The following MYH7 variants were observed in gnomAD, a reference collection of about 807,000 sequenced individuals.
The protein encoded by MYH7 is myosin heavy chain 7, also known as myosin-7.
MYH7 carries 129 observed loss-of-function variants against 225.4 expected under a neutral mutation model. The observed-to-expected ratio is 0.57, with a 90% CI of 0.50 to 0.66. MYH7 has a LOEUF of 0.66. MYH7 is among the 30% of genes least tolerant of loss of function. MYH7 has a pLI of 0.00. For missense variants in MYH7, 1,649 were observed against 2,517.0 expected (o/e 0.66, Z 7.38); for synonymous variants, 971 against 1,007.6 (o/e 0.96, Z 0.69).
chr14:23,422,199 G>A lies in MYH7; in HGVS notation c.3226C>T (p.Leu1076=), dbSNP rs1595079922. The A allele has an allele frequency of 6.2e-7, 1 of 1,613,328 alleles. No homozygotes were observed. Among genetic ancestry groups the A allele is most frequent in the South Asian group, 1.1e-5 (1 of 91,036 alleles). Residue 1076 remains leucine (L), a synonymous_variant, in exon 25 of 40, where the codon CTG becomes TTG. Transcript: ENST00000355349. ...CAGTACTTTTTCAGCCGCTCATCCAGCTGCTGCTTGTCATTCTCCAGGTCC... is the reference window on the plus strand; with the variant it reads ...CAGTACTTTTTCAGCCGCTCATCCAACTGCTGCTTGTCATTCTCCAGGTCC... ...IMDLENDKQQ[L]DERLKKKDFE...
intron 27 of MYH7, 50 bp downstream of exon 27, chr14:23,419,795 G>A (rs1892393827): frequency 6.2e-7 from 1 of 1,614,044 alleles, no homozygotes; most frequent in Non-Finnish European, 8.5e-7. Flanking sequence ...TGGACAGAAA[G>A]GGGAGGTGGG....
Position 23,430,652 on chromosome 14 carries a change from T to C in MYH7, c.907A>G (p.Ile303Val). 6.2e-7 allele frequency: 1 copy of C among 1,613,844 alleles called. No homozygotes were observed. Among genetic ancestry groups the C allele is most frequent in the Non-Finnish European group, 8.5e-7 (1 of 1,179,828 alleles). ...GCATAATCGTAGGGGTTGTTGGTGA[T>C]CAGCAGCATGTCTAGGGGAAAAAAC... ...KKPELLDMLL[I>V]TNNPYDYAFI... The change falls in exon 11 of 40, where the codon ATC becomes GTC. Residue 303 changes from isoleucine (I) to valine (V), a missense_variant. Physicochemically the swap from Ile to Val is conservative, Grantham distance 29. This residue lies in a region of MYH7 where 131 missense variants were observed against 231.3 expected (regional missense o/e 0.57). Coordinates refer to ENST00000355349, the MANE Select transcript of MYH7 (RefSeq NM_000257.4).
intron 14 of MYH7, 124 bp from the exon 15 acceptor site, chr14:23,428,794 A>G (rs1473968093): frequency 6.3e-7 from 1 of 1,577,808 alleles, no homozygotes; most frequent in Admixed American, 1.8e-5. Flanking sequence ...CAAGGCAGTG[A>G]AGGAGGGCTT....
chr14:23,432,511 G>T lies in MYH7; in HGVS notation c.503-5C>A. 1 of 1,614,140 alleles carries T rather than the reference G, an allele frequency of 6.2e-7. No homozygotes were observed. Among genetic ancestry groups the T allele is most frequent in the Non-Finnish European group, 8.5e-7 (1 of 1,180,020 alleles). On this transcript the variant is annotated splice_polypyrimidine_tract_variant and splice_region_variant and intron_variant, in intron 5 of 39. Coordinates refer to ENST00000355349, the MANE Select transcript of MYH7 (RefSeq NM_000257.4). Reference sequence around the variant, plus strand: ...GGATGGACTGGTTTTCTCTGTCTGTGGGGAGAGGGTGGGGAGGAAAGGTCA... The same window carrying T: ...GGATGGACTGGTTTTCTCTGTCTGTTGGGAGAGGGTGGGGAGGAAAGGTCA...
rs756142583 is a variant in MYH7, at chr14:23,416,008, A to G, written c.4949T>C (p.Leu1650Ser). ...CAGTCCCCTCTGGGTGAGTACCTTC[A>G]ACAAGCTCTGGAGGCTCTTGACTTG... ...QKQVKSLQSL[L>S]KDTQIQLDDA... Residue 1650 changes from leucine (L) to serine (S), a missense_variant, in exon 34 of 40, where the codon TTG becomes TCG. Around this residue, in one of 12 missense-constraint regions of MYH7, gnomAD observed 687 missense variants for 913.8 expected, o/e 0.75. Transcript: ENST00000355349. 4 of 1,614,012 alleles carry G rather than the reference A, an allele frequency of 2.5e-6. No individual in the cohort carries two copies. In the East Asian group the frequency reaches 8.9e-5, roughly 36 times the overall value.
intron 24 of MYH7, 98 bp from the exon 25 acceptor site, chr14:23,422,423 A>G: frequency 6.4e-7 from 1 of 1,564,594 alleles, no homozygotes. Flanking sequence ...CTTTGTGTTC[A>G]GGACTTGGGA....
At chr14:23,424,233 CA>C in intron 22 of MYH7, 84 bp from the exon 23 acceptor site, 1 of 1,563,124 alleles carries the variant, frequency 6.4e-7, no homozygotes. Flanking sequence ...GCACATCACT[CA>C]AATAGGAGGG....
In MYH7 at chr14:23,420,225, C is replaced by G. The variant is rs727504274; in HGVS notation, c.3346G>C (p.Glu1116Gln). Residue 1116 changes from glutamate (E) to glutamine (Q), a missense_variant, in exon 27 of 40, where the codon GAG becomes CAG. Physicochemically the swap from Glu to Gln is conservative, Grantham distance 29. Around this residue, in one of 12 missense-constraint regions of MYH7, gnomAD observed 106 missense variants for 198.8 expected, o/e 0.53. Transcript: ENST00000355349. ...KKLKELQARIEELEEELEAER... is the reference protein window; with the variant it reads ...KKLKELQARIQELEEELEAER... ...GCCTCCAGCTCCTCCTCCAGCTCCT[C>G]GATGCGTGCCTGGTCAGACACAAAG... 2 of 1,609,218 alleles carry G rather than the reference C, an allele frequency of 1.2e-6. No individual in the cohort carries two copies. Among genetic ancestry groups the G allele is most frequent in the African/African-American group, 1.3e-5 (1 of 74,880 alleles).
At chr14:23,426,934 A>T in intron 17 of MYH7, 70 bp from the exon 18 acceptor site, 1 of 1,378,314 alleles carries the variant, frequency 7.3e-7, no homozygotes, top group Admixed American at 1.8e-5. Flanking sequence ...AAGAGAGGAG[A>T]AGAAGGAAGG....
In MYH7 at chr14:23,424,838, G is replaced by A; in HGVS notation, c.2610C>T (p.Arg870=). The A allele has an allele frequency of 6.2e-7, 1 of 1,614,222 alleles. No homozygotes were observed. The highest frequency in any genetic ancestry group is 8.5e-7 in the Non-Finnish European group (1 of 1,180,052). The change falls in exon 22 of 40, where the codon CGC becomes CGT. Residue 870 remains arginine (R), a synonymous_variant. Transcript: ENST00000355349. ...ACACCATCTTCTCCTCCAGCTCCTT[G>A]CGGCGAGCCTCGGACTTCTCTAGCG... ...KEALEKSEAR[R]KELEEKMVSL...
chr14:23,433,007 G>A lies in MYH7; in HGVS notation c.345+77C>T. The A allele has an allele frequency of 6.2e-7, 1 of 1,601,770 alleles. No individual in the cohort carries two copies. Among genetic ancestry groups the A allele is most frequent in the Non-Finnish European group, 8.5e-7 (1 of 1,170,340 alleles). ...TAACCCTGCCTAGACACAAACAGAA[G>A]ACACTCTTGGCTCCTGGGGTGGACA... On this transcript the variant is annotated intron_variant, in intron 4 of 39. Transcript: ENST00000355349. This position sits in a 1 kb window ranked among gnomAD's most constrained non-coding sequence, Gnocchi z 4.1.
In MYH7 at chr14:23,425,093, G is replaced by C. The variant is rs953038487; in HGVS notation, c.2424-69C>G. The C allele has an allele frequency of 1.9e-6, 3 of 1,612,726 alleles. No homozygotes were observed. The highest frequency in any genetic ancestry group is 2.5e-6 in the Non-Finnish European group (3 of 1,179,448). ...TCCTACCTGAGGTCCTGAAACCTTG[G>C]GAATATCCCATTTCCTTCATCCCTC... On this transcript the variant is annotated intron_variant, in intron 21 of 39. Transcript: ENST00000355349. This position sits in a 1 kb window ranked among gnomAD's most constrained non-coding sequence, Gnocchi z 4.6.
In MYH7 at chr14:23,419,958, C is replaced by T. The variant is rs727505026; in HGVS notation, c.3613G>A (p.Glu1205Lys). ...KHADSVAELGEQIDNLQRVKQ... is the reference protein window; with the variant it reads ...KHADSVAELGKQIDNLQRVKQ... ...ACCCGCTGCAGGTTGTCGATCTGCT[C>T]GCCCAGCTCGGCCACGCTGTCGGCG... The change falls in exon 27 of 40, where the codon GAG (glutamate) becomes AAG (lysine). Residue 1205 changes from glutamate to lysine, a missense_variant. Around this residue, in one of 12 missense-constraint regions of MYH7, gnomAD observed 106 missense variants for 198.8 expected, o/e 0.53. Coordinates refer to ENST00000355349, the MANE Select transcript of MYH7 (RefSeq NM_000257.4). The T allele has an allele frequency of 1.2e-6, 2 of 1,607,664 alleles. No individual in the cohort carries two copies. The highest frequency in any genetic ancestry group is 1.1e-5 in the South Asian group (1 of 90,912).
At position 23,416,274 on chromosome 14, in the gene MYH7, G is replaced by A; in HGVS notation, c.4683C>T (p.Ala1561=). The A allele has an allele frequency of 6.2e-7, 1 of 1,613,062 alleles. No individual in the cohort carries two copies. The highest frequency in any genetic ancestry group is 8.5e-7 in the Non-Finnish European group (1 of 1,179,318). Residue 1561 remains alanine, a synonymous_variant, in exon 34 of 40, where the codon GCC becomes GCT. Transcript: ENST00000355349. Reference sequence around the variant, plus strand: ...CCTTGATCTGGTTGAACTCCAGCTGGGCCCGGAGGATCTTGCCCTCCTCGT... The same window carrying A: ...CCTTGATCTGGTTGAACTCCAGCTGAGCCCGGAGGATCTTGCCCTCCTCGT... ...LEHEEGKILR[A]QLEFNQIKAE...
Position 23,428,509 on chromosome 14 carries a change from G to T in MYH7, c.1569C>A (p.Leu523=), listed in dbSNP as rs1057520331. Residue 523 remains leucine, a synonymous_variant, in exon 15 of 40, where the codon CTC becomes CTA. Coordinates refer to ENST00000355349, the MANE Select transcript of MYH7 (RefSeq NM_000257.4). ...AAGGCCAAAGAGGCACCTTCTCGAT[G>T]AGGTCAATGCAGGCCTGCAGGTCCA... ...FGMDLQACID[L]IEKPMGIMSI... 3 of 1,614,100 alleles carry T rather than the reference G, an allele frequency of 1.9e-6. No homozygotes were observed. Among genetic ancestry groups the T allele is most frequent in the Non-Finnish European group, 2.5e-6 (3 of 1,180,054 alleles).
chr14:23,423,443 ACAC>A, intron 24 of MYH7, 101 bp downstream of exon 24: 1 of 704,050 alleles, frequency 1.4e-6, no homozygotes. Context: ...ACAAACACAC[ACAC>A]ACACACACAC....
rs1437978043 is a variant in MYH7, at chr14:23,433,426, G to A, written c.201+106C>T. ...TTCTTCCCCAAAGGGAAGGAGAATG[G>A]GACCATCCTCAGGTCTGCATGGGCA... is the stretch of plus-strand genomic sequence containing the variant. On this transcript the variant is annotated intron_variant, in intron 3 of 39. Coordinates refer to ENST00000355349, the MANE Select transcript of MYH7 (RefSeq NM_000257.4). This position sits in a 1 kb window ranked among gnomAD's most constrained non-coding sequence, Gnocchi z 4.1. 33 of 1,467,534 alleles carry A rather than the reference G, an allele frequency of 2.2e-5. No individual in the cohort carries two copies. The highest frequency in any genetic ancestry group is 2.8e-5 in the Non-Finnish European group (30 of 1,057,660). 90.9% of individuals were successfully genotyped at this position (1,467,534 alleles called of 1,614,324 possible). A position where few individuals can be genotyped will look rare whatever the true frequency, so the allele number is the denominator to read the frequency against.
Position 23,432,735 on chromosome 14 carries a change from G to A in MYH7, c.406C>T (p.Pro136Ser). Residue 136 changes from proline (P) to serine (S), a missense_variant, in exon 5 of 40, where the codon CCT becomes TCT. Pro to Ser is a moderately conservative substitution (Grantham distance 74). This residue lies in a region of MYH7 where 77 missense variants were observed against 144.0 expected (regional missense o/e 0.53). Coordinates refer to ENST00000355349, the MANE Select transcript of MYH7 (RefSeq NM_000257.4). ...CCCCGGTAGGCAGCCACCACCTCAGGAGTGTACACCGGCAGCCACTTGTAA... is the reference window on the plus strand; with the variant it reads ...CCCCGGTAGGCAGCCACCACCTCAGAAGTGTACACCGGCAGCCACTTGTAA... The part of the protein sequence containing the change: ...NPYKWLPVYT[P>S]EVVAAYRGKK... 1 of 1,614,146 alleles carries A rather than the reference G, an allele frequency of 6.2e-7. No individual in the cohort carries two copies. Among genetic ancestry groups the A allele is most frequent in the Non-Finnish European group, 8.5e-7 (1 of 1,180,012 alleles).
At chr14:23,428,477 A>G (rs1385504654) in intron 15 of MYH7, 23 bp downstream of exon 15, 1 of 1,614,156 alleles carries the variant, frequency 6.2e-7, no homozygotes. Context: ...GGGAGAATTC[A>G]GGTGGTAAGG....
Sources: gnomAD v4.1 joint callset for allele counts on GRCh38, gnomAD v4.1.1 for gene constraint, gnomAD v4.1.1 regional missense constraint, Gnocchi (gnomAD v3.1) non-coding constraint, MANE v1.5 for transcripts, NCBI Gene and HGNC (gene_info 2026-07-23, HGNC 2026-07-21) for gene names.